Variants in SUB1 observed in about 807,000 individuals in gnomAD.
SUB1 encodes SUB1 regulator of transcription.
Under a neutral mutation model 16.9 loss-of-function variants are expected in SUB1, and 1 was observed. The observed-to-expected ratio is 0.06, with a 90% confidence interval of 0.02 to 0.28. The LOEUF is 0.28. Among genes scored for constraint, SUB1 ranks in the 10% least tolerant of loss-of-function variants. SUB1 has a pLI of 1.00. For missense variants in SUB1, 84 were observed against 145.2 expected (o/e 0.58, Z 2.16); for synonymous variants, 51 against 46.9 (o/e 1.09, Z -0.36).
chr5:32,598,878 C>A, intron 3 of SUB1, 83 bp from the exon 4 acceptor site: 2 of 1,035,944 alleles, frequency 1.9e-6, no homozygotes, highest in Non-Finnish European at 2.9e-6. Context: ...AGTGAGCATG[C>A]AGCAAGTTGT....
intron 2 of SUB1, among the ~76,000 whole-genome samples, chr5:32,589,121 C>T (rs1453543310): frequency 6.6e-6 from 1 of 151,824 alleles, no homozygotes; most frequent in Non-Finnish European, 1.5e-5. Flanking sequence ...CAGGGTCTTA[C>T]TCTCTTGCCG....
intron 3 of SUB1, chr5:32,597,513 A>G (rs912941541): frequency 5.3e-5 from 8 of 152,238 alleles, no homozygotes; most frequent in African/African-American, 9.6e-5. Flanking sequence ...TAATGCTGCT[A>G]TGAACATGGG....
At chr5:32,592,576 T>C (rs552127003) in intron 3 of SUB1, among the ~76,000 whole-genome samples, 1 of 152,302 alleles carries the variant, frequency 6.6e-6, no homozygotes, top group East Asian at 1.9e-4. Flanking sequence ...GGCTTTAATC[T>C]GTATGTGAGG....
chr5:32,592,615 A>T (rs1370231298), intron 3 of SUB1, among the ~76,000 whole-genome samples: 1 of 152,220 alleles, frequency 6.6e-6, no homozygotes, highest in Non-Finnish European at 1.5e-5. Context: ...TTTTTCCTAA[A>T]GAAGAAATTA....
At position 32,598,989 on chromosome 5, in the gene SUB1, G is replaced by A. The variant is rs772309920; in HGVS notation, c.224G>A (p.Arg75His). The change falls in exon 4 of 5, where the codon CGC (arginine) becomes CAC (histidine). Residue 75 changes from arginine (R) to histidine (H), a missense_variant. This residue lies in a region of SUB1 where 24 missense variants were observed against 80.3 expected (regional missense o/e 0.30). Transcript: ENST00000265073. Reference sequence around the variant, plus strand: ...GGGAAAATGAGGTACGTTAGTGTTCGCGATTTTAAAGGCAAAGTGCTAATT... The same window carrying A: ...GGGAAAATGAGGTACGTTAGTGTTCACGATTTTAAAGGCAAAGTGCTAATT... The part of the protein sequence containing the change: ...QIGKMRYVSV[R>H]DFKGKVLIDI... The A allele has an allele frequency of 3.1e-6, 5 of 1,613,268 alleles. No individual in the cohort carries two copies. The highest frequency in any genetic ancestry group is 2.2e-5 in the South Asian group (2 of 91,026).
At chr5:32,592,033 T>C (rs1473461201) in intron 3 of SUB1, among the ~76,000 whole-genome samples, 2 of 152,262 alleles carry the variant, frequency 1.3e-5, no homozygotes, top group Non-Finnish European at 2.9e-5. Context: ...GAGGAATTAT[T>C]ATCTGGCTTG....
At chr5:32,590,863 A>G (rs1169816488) in intron 2 of SUB1, among the ~76,000 whole-genome samples, 1 of 140,958 alleles carries the variant, frequency 7.1e-6, no homozygotes, top group Non-Finnish European at 1.5e-5. Context: ...AGCCTCCTGG[A>G]TTCAAGCAGT....
chr5:32,599,124 T>C (rs1739052928), intron 4 of SUB1, 55 bp downstream of exon 4: 2 of 1,290,258 alleles, frequency 1.6e-6, no homozygotes, highest in South Asian at 1.2e-5. Flanking sequence ...CGACAACTTT[T>C]CTGAGTAGCT....
Position 32,591,593 on chromosome 5 carries a change from A to G in SUB1, c.103A>G (p.Lys35Glu). Residue 35 changes from lysine to glutamate, a missense_variant, in exon 3 of 5, where the codon AAA (lysine) becomes GAA (glutamate). Lys to Glu is a moderately conservative substitution (Grantham distance 56, BLOSUM62 1). This residue lies in a region of SUB1 where 60 missense variants were observed against 64.9 expected (regional missense o/e 0.92). Coordinates refer to ENST00000265073, the MANE Select transcript of SUB1 (RefSeq NM_006713.4). ...GAGGAAAAAGCAAGTTGCTCCAGAA[A>G]AACCTGTAAAGAAACAAAAGACAGG... ...LKRKKQVAPE[K>E]PVKKQKTGET... is the part of the protein sequence containing the mutation. 3 of 1,606,870 alleles carry G rather than the reference A, an allele frequency of 1.9e-6. No homozygotes were observed. The highest frequency in any genetic ancestry group is 2.5e-6 in the Non-Finnish European group (3 of 1,177,596).
At chr5:32,597,292 C>T (rs1175162215) in intron 3 of SUB1, 1 of 152,180 alleles carries the variant, frequency 6.6e-6, no homozygotes, top group Non-Finnish European at 1.5e-5. Flanking sequence ...TTCCTGTGAA[C>T]TTGACATCAT....
At position 32,599,089 on chromosome 5, in the gene SUB1, A is replaced by C; in HGVS notation, c.304+20A>C. ...GAAAAGGTGAGGTCTAATTACTTGA[A>C]TTTTATTACAGTGTTAGGACTAAAC... On this transcript the variant is annotated intron_variant, in intron 4 of 4. Coordinates refer to ENST00000265073, the MANE Select transcript of SUB1 (RefSeq NM_006713.4). The C allele has an allele frequency of 6.3e-7, 1 of 1,584,838 alleles. No homozygotes were observed. The highest frequency in any genetic ancestry group is 8.7e-7 in the Non-Finnish European group (1 of 1,154,870).
chr5:32,588,475 C>G lies in SUB1; in HGVS notation c.-1-37C>G, dbSNP rs1169212686. 6 of 1,573,222 alleles carry G rather than the reference C, an allele frequency of 3.8e-6. No homozygotes were observed. The South Asian group carries it at 5.6e-5, about 15-fold the overall frequency. On this transcript the variant is annotated intron_variant, in intron 1 of 4. Transcript: ENST00000265073. The stretch of plus-strand genomic sequence containing the variant: ...GAGCTAAGTTGAAAGTAGTAGAGTA[C>G]CTTATTAATTATTTTTGTAATGTAT...
intron 3 of SUB1, chr5:32,596,453 C>A (rs570578294): frequency 1.3e-5 from 2 of 152,094 alleles, no homozygotes; most frequent in Non-Finnish European, 2.9e-5. Flanking sequence ...CTGTCCAAGA[C>A]GTATTTTGCC....
At chr5:32,597,843 ATAAAG>A (rs1278012413) in intron 3 of SUB1, 3 of 152,234 alleles carry the variant, frequency 2.0e-5, no homozygotes, top group African/African-American at 7.2e-5. Context: ...TATTCTTACA[ATAAAG>A]TAAGCTAGAG....
Position 32,592,278 on chromosome 5 carries a change from C to T in SUB1, c.195+593C>T, listed in dbSNP as rs1408068573. ...GGAGGAGGCAGGTCAAGTGTTGGGACAGTAAAGTATGAATAGATTATTATG... is the reference window on the plus strand; with the variant it reads ...GGAGGAGGCAGGTCAAGTGTTGGGATAGTAAAGTATGAATAGATTATTATG... On this transcript the variant is annotated intron_variant, in intron 3 of 4. Transcript: ENST00000265073. Among the ~76,000 whole-genome samples, 4 of 152,242 alleles carry T rather than the reference C, an allele frequency of 2.6e-5. No individual in the cohort carries two copies. In the East Asian group the frequency reaches 5.8e-4, roughly 22 times the overall value.
intron 1 of SUB1, chr5:32,586,035 CTG>C (rs1275313630): frequency 6.6e-6 from 1 of 152,386 alleles, no homozygotes; most frequent in South Asian, 2.1e-4. Flanking sequence ...GCTCTGGAGA[CTG>C]GGAGAGCGGA....
rs1739047157 is a variant in SUB1 at position 32,598,863 on chromosome 5, T to C, written c.196-98T>C. The C allele has an allele frequency of 4.5e-6, 4 of 884,794 alleles. No homozygotes were observed. The Admixed American group carries it at 8.6e-5, about 19-fold the overall frequency. The allele number at this position is 884,794 out of a possible 1,614,324, so 54.8% of individuals were successfully genotyped here. On this transcript the variant is annotated intron_variant, in intron 3 of 4. Transcript: ENST00000265073. Reference sequence around the variant, plus strand: ...AGCAGTAGTCATTTTCATGATTAGATGTAGAGTGAGCATGCAGCAAGTTGT... The same window carrying C: ...AGCAGTAGTCATTTTCATGATTAGACGTAGAGTGAGCATGCAGCAAGTTGT...
chr5:32,602,145 A>G lies in SUB1; in HGVS notation c.*1061A>G. 2.3e-6 allele frequency: 1 copy of G among 441,512 alleles called. No individual in the cohort carries two copies. The highest frequency in any genetic ancestry group is 4.5e-6 in the Non-Finnish European group (1 of 221,644). 27.3% of individuals were successfully genotyped at this position (441,512 alleles called of 1,614,324 possible). Reference sequence around the variant, plus strand: ...ATGGCATTCTAGACTTGATGATACTAAGTTTTAGCAGACACTAGTAAGTGG... The same window carrying G: ...ATGGCATTCTAGACTTGATGATACTGAGTTTTAGCAGACACTAGTAAGTGG... On this transcript the variant is annotated 3_prime_UTR_variant, in exon 5 of 5. Coordinates refer to ENST00000265073, the MANE Select transcript of SUB1 (RefSeq NM_006713.4).
chr5:32,603,709 A>G lies in SUB1; in HGVS notation c.*2625A>G, dbSNP rs1739171196. ...GACTTGGGTGAAAAATGAAATAAGT[A>G]TATTCTGACTTGGCTATTGAGGGGA... is the stretch of plus-strand genomic sequence containing the variant. On this transcript the variant is annotated 3_prime_UTR_variant, in exon 5 of 5. Coordinates refer to ENST00000265073, the MANE Select transcript of SUB1 (RefSeq NM_006713.4). The G allele has an allele frequency of 6.6e-6, 1 of 152,208 alleles. No individual in the cohort carries two copies. Among genetic ancestry groups the G allele is most frequent in the Non-Finnish European group, 1.5e-5 (1 of 68,012 alleles). 9.4% of individuals were successfully genotyped at this position (152,208 alleles called of 1,614,324 possible). A position where few individuals can be genotyped will look rare whatever the true frequency, so the allele number is the denominator to read the frequency against.
Sources: allele counts gnomAD v4.1 joint callset (sites outside exome capture counted in the v4.1 genomes callset), GRCh38; gene constraint gnomAD v4.1.1; regional missense constraint gnomAD v4.1.1; transcripts MANE v1.5; gene names NCBI Gene and HGNC (gene_info 2026-07-23, HGNC 2026-07-21).